ZNF549: variants seen among roughly 807,000 people sequenced by gnomAD.
The protein encoded by ZNF549 is zinc finger protein 549.
In ZNF549, 11 loss-of-function variants were observed where a neutral mutation model predicts 11.1. The ratio of observed to expected loss-of-function variants is 0.99; its 90% CI spans 0.62 to 1.64. The LOEUF (loss-of-function observed/expected upper bound fraction) is 1.64, where lower values mean the gene tolerates loss of function less well. ZNF549 is among the 40% of genes most tolerant of loss of function. The pLI is 0.00. For synonymous variants in ZNF549, 266 were observed against 269.1 expected, an observed-to-expected ratio of 0.99 and a Z score of 0.11; for missense variants, 748 against 765.1, an observed-to-expected ratio of 0.98 and a Z score of 0.26.
chr19:57,527,601 C>T lies in ZNF549; in HGVS notation c.28C>T (p.Pro10Ser). The T allele has an allele frequency of 1.2e-6, 2 of 1,613,658 alleles. No homozygotes were observed. The highest frequency in any genetic ancestry group is 1.7e-6 in the Non-Finnish European group (2 of 1,179,872). Residue 10 changes from proline to serine, a missense_variant, in exon 1 of 4, where the codon CCG (proline) becomes TCG (serine). Pro to Ser is a moderately conservative substitution (Grantham distance 74). Coordinates refer to ENST00000376233, the MANE Select transcript of ZNF549 (RefSeq NM_001199295.2). Reference sequence around the variant, plus strand: ...GGCCGAGGCAGCGCTAGTGATTACGCCGCAGGTGAGAGCGGAGTCCTCGGA... The same window carrying T: ...GGCCGAGGCAGCGCTAGTGATTACGTCGCAGGTGAGAGCGGAGTCCTCGGA... MAEAALVIT[P>S]QIPMVTEEFV...
At chr19:57,531,330 T>G (rs1568588889) in intron 2 of ZNF549, among the ~76,000 whole-genome samples, 1 of 152,204 alleles carries the variant, frequency 6.6e-6, no homozygotes, top group Non-Finnish European at 1.5e-5. Context: ...TTCCTGGGCA[T>G]AGGCGCCAGC....
At chr19:57,531,276 G>A (rs1162198682) in intron 2 of ZNF549, among the ~76,000 whole-genome samples, 168 bp downstream of exon 2, 1 of 152,170 alleles carries the variant, frequency 6.6e-6, no homozygotes, top group East Asian at 1.9e-4. Context: ...GTTATACAGA[G>A]ATGTTCCCAT....
chr19:57,536,928 A>G (rs1469126654), intron 3 of ZNF549, among the ~76,000 whole-genome samples: 1 of 152,088 alleles, frequency 6.6e-6, no homozygotes, highest in Non-Finnish European at 1.5e-5. Context: ...GTATCTCCAC[A>G]AGAAATTCTA....
Position 57,538,419 on chromosome 19 carries a change from C to A in ZNF549, c.1415C>A (p.Ala472Asp), listed in dbSNP as rs2089938046. The change falls in exon 4 of 4, where the codon GCT becomes GAT. Residue 472 changes from alanine (A) to aspartate (D), a missense_variant. Transcript: ENST00000376233. ...CAGAGAATTCACACTGGAGAAAGGG[C>A]TTATGAATGCAGTGACTGTGGGAAA... Reference protein sequence around the residue: ...RHQRIHTGERAYECSDCGKAF... With the variant: ...RHQRIHTGERDYECSDCGKAF... 2 of 1,614,058 alleles carry A rather than the reference C, an allele frequency of 1.2e-6. No homozygotes were observed. Among genetic ancestry groups the A allele is most frequent in the African/African-American group, 1.3e-5 (1 of 74,924 alleles).
At chr19:57,533,415 G>A (rs1324451464) in intron 2 of ZNF549, among the ~76,000 whole-genome samples, 3 of 152,164 alleles carry the variant, frequency 2.0e-5, no homozygotes, top group Admixed American at 1.3e-4. Context: ...TGCAGGTTAG[G>A]CTCTGATTAA....
At position 57,527,496 on chromosome 19, in the gene ZNF549, A is replaced by G; in HGVS notation, c.-78A>G. The G allele has an allele frequency of 1.9e-6, 3 of 1,595,556 alleles. No homozygotes were observed. Among genetic ancestry groups the G allele is most frequent in the Middle Eastern group, 1.9e-4 (1 of 5,150 alleles). ...CCTGGTCTCGGTCTGAGCGTCGCCC[A>G]GCGATTTGCCACCGCACGCACGCCG... On this transcript the variant is annotated 5_prime_UTR_variant, in exon 1 of 4. Transcript: ENST00000376233.
Position 57,537,088 on chromosome 19 carries a change from T to C in ZNF549, c.200-116T>C. ...CCATCTGGGTGACAGAGCAAGACCC[T>C]ATCTCAAAGAAAAACCATGGACTCG... is the stretch of plus-strand genomic sequence containing the variant. On this transcript the variant is annotated intron_variant, in intron 3 of 3. Transcript: ENST00000376233. The C allele has an allele frequency of 4.9e-6, 6 of 1,234,306 alleles. No individual in the cohort carries two copies. The South Asian group carries it at 7.4e-5, about 15-fold the overall frequency. 76.5% of individuals were successfully genotyped at this position (1,234,306 alleles called of 1,614,324 possible).
At chr19:57,528,303 G>T (rs888074602) in intron 1 of ZNF549, among the ~76,000 whole-genome samples, 4 of 152,160 alleles carry the variant, frequency 2.6e-5, no homozygotes, top group Admixed American at 2.6e-4. Context: ...CAGGTTTCAG[G>T]GAAATAGTAG....
rs151110967 is a variant in ZNF549 at position 57,538,638 on chromosome 19, T to C, written c.1634T>C (p.Leu545Pro). The change falls in exon 4 of 4, where the codon CTT becomes CCT. Residue 545 changes from leucine (L) to proline (P), a missense_variant. Leu to Pro is a moderately conservative substitution (Grantham distance 98, BLOSUM62 -3). Coordinates refer to ENST00000376233, the MANE Select transcript of ZNF549 (RefSeq NM_001199295.2). ...GKVFSHQKRL[L>P]EHQKVHTGEK... ...GTCTTCAGCCACCAAAAAAGACTTC[T>C]TGAGCACCAGAAAGTTCACACTGGC... 5.2e-4 allele frequency: 842 copies of C among 1,614,218 alleles called. No homozygotes were observed. The highest frequency in any genetic ancestry group is 6.4e-4 in the Non-Finnish European group (752 of 1,180,038).
At chr19:57,532,665 T>A (rs542386928) in intron 2 of ZNF549, among the ~76,000 whole-genome samples, 2 of 152,210 alleles carry the variant, frequency 1.3e-5, no homozygotes, top group South Asian at 4.1e-4. Context: ...GTCTGTCTTG[T>A]TGAATATTCC....
At chr19:57,528,922 CGTT>C (rs1271093510) in intron 1 of ZNF549, among the ~76,000 whole-genome samples, 3 of 152,174 alleles carry the variant, frequency 2.0e-5, no homozygotes, top group Non-Finnish European at 4.4e-5. Context: ...TTCCTAAAAT[CGTT>C]GTAATTTCCT....
rs760405535 is a variant in ZNF549, at chr19:57,539,283, C to T, written c.*356C>T. On this transcript the variant is annotated 3_prime_UTR_variant, in exon 4 of 4. Coordinates refer to ENST00000376233, the MANE Select transcript of ZNF549 (RefSeq NM_001199295.2). ...GAACTGTTCGAGGCAAAGACAAAAC[C>T]CAACTTTGACCAAGAAGAGCAATCT... 17 of 176,628 alleles carry T rather than the reference C, an allele frequency of 9.6e-5. No homozygotes were observed. Among genetic ancestry groups the T allele is most frequent in the Non-Finnish European group, 1.8e-4 (15 of 83,232 alleles). 10.9% of individuals were successfully genotyped at this position (176,628 alleles called of 1,614,324 possible).
rs1044714344 is a variant in ZNF549, at chr19:57,540,236, TGAG to T, written c.*1313_*1315del. ...TGAGAAGGCTGTCCTTCCTAACTTG[TGAG>T]GAGATGAATCCTTAATAATAAGTAA... On this transcript the variant is annotated 3_prime_UTR_variant, in exon 4 of 4. Transcript: ENST00000376233. 4.6e-5 allele frequency: 7 copies of T among 152,208 alleles called. No homozygotes were observed. The highest frequency in any genetic ancestry group is 7.3e-5 in the Non-Finnish European group (5 of 68,034). The allele number at this position is 152,208 out of a possible 1,614,324, so 9.4% of individuals were successfully genotyped here.
At position 57,531,837 on chromosome 19, in the gene ZNF549, A is replaced by G. The variant is rs555178015; in HGVS notation, c.72+729A>G. ...ATCACACTACTCAGAGAAGCACGTCATTTATAATTTTTGGGTTGTTTATTT... is the reference window on the plus strand; with the variant it reads ...ATCACACTACTCAGAGAAGCACGTCGTTTATAATTTTTGGGTTGTTTATTT... On this transcript the variant is annotated intron_variant, in intron 2 of 3. Transcript: ENST00000376233. Among the ~76,000 whole-genome samples, 3 of 152,298 alleles carry G rather than the reference A, an allele frequency of 2.0e-5. No individual in the cohort carries two copies. In the East Asian group the frequency reaches 5.8e-4, roughly 29 times the overall value.
Position 57,527,499 on chromosome 19 carries a change from G to C in ZNF549, c.-75G>C, listed in dbSNP as rs2089882605. ...GGTCTCGGTCTGAGCGTCGCCCAGC[G>C]ATTTGCCACCGCACGCACGCCGGAT... is the stretch of plus-strand genomic sequence containing the variant. On this transcript the variant is annotated 5_prime_UTR_variant, in exon 1 of 4. Transcript: ENST00000376233. The C allele has an allele frequency of 1.9e-6, 3 of 1,598,894 alleles. No individual in the cohort carries two copies. The highest frequency in any genetic ancestry group is 8.5e-7 in the Non-Finnish European group (1 of 1,171,226).
rs2089899476 is a variant in ZNF549 at position 57,530,463 on chromosome 19, G to A, written c.34-607G>A. On this transcript the variant is annotated intron_variant, in intron 1 of 3. Coordinates refer to ENST00000376233, the MANE Select transcript of ZNF549 (RefSeq NM_001199295.2). ...TAAGTAAAATATTTTCCTGAGTTCT[G>A]TAAGTGGTTCTAGCAAATTATTGAA... is the stretch of plus-strand genomic sequence containing the variant. 2.6e-5 allele frequency among the ~76,000 whole-genome samples: 4 copies of A among 152,132 alleles called. No individual in the cohort carries two copies. The South Asian group carries it at 8.3e-4, about 31-fold the overall frequency.
Position 57,537,186 on chromosome 19 carries a change from G to A in ZNF549, c.200-18G>A, listed in dbSNP as rs759090632. The A allele has an allele frequency of 6.9e-6, 11 of 1,598,002 alleles. No individual in the cohort carries two copies. The highest frequency in any genetic ancestry group is 1.7e-5 in the Admixed American group (1 of 58,006). On this transcript the variant is annotated intron_variant, in intron 3 of 3. Coordinates refer to ENST00000376233, the MANE Select transcript of ZNF549 (RefSeq NM_001199295.2). The stretch of plus-strand genomic sequence containing the variant: ...ACCAAAGTCTGCATATACTTCACTT[G>A]CATTTTTATGCTTTTAGGTTGTTTG...
rs1173981917 is a variant in ZNF549, at chr19:57,539,110, G to C, written c.*183G>C. 1.5e-6 allele frequency: 1 copy of C among 651,542 alleles called. No homozygotes were observed. Among genetic ancestry groups the C allele is most frequent in the Non-Finnish European group, 2.6e-6 (1 of 390,794 alleles). 40.4% of individuals were successfully genotyped at this position (651,542 alleles called of 1,614,324 possible). On this transcript the variant is annotated 3_prime_UTR_variant, in exon 4 of 4. Coordinates refer to ENST00000376233, the MANE Select transcript of ZNF549 (RefSeq NM_001199295.2). Reference sequence around the variant, plus strand: ...TTACTTGTACTTTCTAATCTGCCCAGTGTTACAACAGACACTACCATGTGG... The same window carrying C: ...TTACTTGTACTTTCTAATCTGCCCACTGTTACAACAGACACTACCATGTGG...
rs2089930689 is a variant in ZNF549 at position 57,537,493 on chromosome 19, G to A, written c.489G>A (p.Glu163=). The stretch of plus-strand genomic sequence containing the variant: ...GTGGAGAGAAACACATCAGAAAGGA[G>A]GAGAGCAGTGCCTTGCTTCTGAATA... ...QDSGEKHIRK[E]ESSALLLNSC... Residue 163 remains glutamate, a synonymous_variant, in exon 4 of 4, where the codon GAG becomes GAA. Transcript: ENST00000376233. 6.2e-7 allele frequency: 1 copy of A among 1,614,096 alleles called. No individual in the cohort carries two copies. Among genetic ancestry groups the A allele is most frequent in the Non-Finnish European group, 8.5e-7 (1 of 1,180,042 alleles).
Sources: allele counts gnomAD v4.1 joint callset (sites outside exome capture counted in the v4.1 genomes callset), GRCh38; gene constraint gnomAD v4.1.1; transcripts MANE v1.5; gene names NCBI Gene and HGNC (gene_info 2026-07-23, HGNC 2026-07-21).